Variants in PTPRZ1 observed in about 807,000 individuals in gnomAD.
PTPRZ1 encodes the protein receptor-type tyrosine-protein phosphatase zeta.
In PTPRZ1, 82 loss-of-function variants were observed where a neutral mutation model predicts 214.1. The ratio of observed to expected loss-of-function variants is 0.38; its 90% confidence interval spans 0.32 to 0.46. The LOEUF (loss-of-function observed/expected upper bound fraction) is 0.46. Ranked by LOEUF, PTPRZ1 falls within the 20% of genes least tolerant of loss-of-function variation. The pLI, the probability that PTPRZ1 is intolerant of heterozygous loss-of-function variation, is 1.00. For missense variants in PTPRZ1, 2,603 were observed against 2,748.7 expected, an observed-to-expected ratio of 0.95 and a Z score of 1.19; for synonymous variants, 945 against 987.9, an observed-to-expected ratio of 0.96 and a Z score of 0.81.
Position 122,010,485 on chromosome 7 carries a change from A to C in PTPRZ1, c.1439A>C (p.Asn480Thr). Residue 480 changes from asparagine (N) to threonine (T), a missense_variant, in exon 12 of 30, where the codon AAC becomes ACC. Physicochemically the swap from Asn to Thr is moderately conservative, Grantham distance 65. Around this residue, in one of 6 missense-constraint regions of PTPRZ1, gnomAD observed 1,913 missense variants for 1,914.3 expected, o/e 1.00. Transcript: ENST00000393386. ...IGTKYNEAKTNRSPTRGSEFS... is the reference protein window; with the variant it reads ...IGTKYNEAKTTRSPTRGSEFS... Reference sequence around the variant, plus strand: ...ACGAAATACAATGAAGCCAAGACTAACCGATCCCCAACAAGAGGAAGTGAA... The same window carrying C: ...ACGAAATACAATGAAGCCAAGACTACCCGATCCCCAACAAGAGGAAGTGAA... 6.2e-7 allele frequency: 1 copy of C among 1,614,052 alleles called. No individual in the cohort carries two copies. The highest frequency in any genetic ancestry group is 8.5e-7 in the Non-Finnish European group (1 of 1,179,952).
chr7:121,924,418 C>T (rs755636134), intron 1 of PTPRZ1, among the ~76,000 whole-genome samples: 6 of 152,078 alleles, frequency 3.9e-5, no homozygotes, highest in Non-Finnish European at 7.4e-5. Flanking sequence ...TACTCTCTCA[C>T]GCCCAAGCAC....
intron 13 of PTPRZ1, among the ~76,000 whole-genome samples, chr7:122,023,333 C>A (rs1799078432): frequency 6.6e-6 from 1 of 150,816 alleles, no homozygotes; most frequent in African/African-American, 2.4e-5. Context: ...TGCTATATGG[C>A]CTTGGGCATG....
intron 2 of PTPRZ1, among the ~76,000 whole-genome samples, chr7:121,959,044 C>T (rs890746988): frequency 6.6e-6 from 1 of 152,102 alleles, no homozygotes; most frequent in African/African-American, 2.4e-5. Context: ...AGGATGGTCT[C>T]AATCTCCTGA....
At chr7:121,918,170 C>T (rs996569821) in intron 1 of PTPRZ1, among the ~76,000 whole-genome samples, 2 of 152,150 alleles carry the variant, frequency 1.3e-5, no homozygotes, top group Non-Finnish European at 2.9e-5. Context: ...ATCCTGACAG[C>T]AACTTAACAT....
Position 121,987,346 on chromosome 7 carries a change from C to T in PTPRZ1, c.928+3229C>T, listed in dbSNP as rs191502768. Among the ~76,000 whole-genome samples the T allele has an allele frequency of 4.6e-5, 7 of 152,230 alleles. 1 individual carries two copies. The South Asian group carries it at 8.3e-4, about 18-fold the overall frequency. On this transcript the variant is annotated intron_variant, in intron 8 of 29. Coordinates refer to ENST00000393386, the MANE Select transcript of PTPRZ1 (RefSeq NM_002851.3). The stretch of plus-strand genomic sequence containing the variant: ...CCCAGGTCCTTCAAACTTGCCTGCC[C>T]GTGCTCATCCTAATGAGCTCAGCAA...
intron 17 of PTPRZ1, 123 bp downstream of exon 17, chr7:122,034,501 GAAT>G: frequency 1.4e-6 from 1 of 722,208 alleles, no homozygotes; most frequent in Non-Finnish European, 2.4e-6. Context: ...TTTTATCAGG[GAAT>G]AATAAGACTT....
chr7:121,927,515 G>A (rs1433321117), intron 1 of PTPRZ1, among the ~76,000 whole-genome samples: 1 of 152,132 alleles, frequency 6.6e-6, no homozygotes, highest in East Asian at 1.9e-4. Flanking sequence ...GGGTCATGGG[G>A]CATTGACTAT....
At position 121,968,031 on chromosome 7, in the gene PTPRZ1, G is replaced by T; in HGVS notation, c.205G>T (p.Asp69Tyr). 6.3e-7 allele frequency: 1 copy of T among 1,593,678 alleles called. No individual in the cohort carries two copies. Among genetic ancestry groups the T allele is most frequent in the South Asian group, 1.1e-5 (1 of 89,368 alleles). The change falls in exon 3 of 30, where the codon GAT (aspartate) becomes TAT (tyrosine). Residue 69 changes from aspartate to tyrosine, a missense_variant. Around this residue, in one of 6 missense-constraint regions of PTPRZ1, gnomAD observed 141 missense variants for 143.7 expected, o/e 0.98. Coordinates refer to ENST00000393386, the MANE Select transcript of PTPRZ1 (RefSeq NM_002851.3). ...PKQSPINIDE[D>Y]LTQVNVNLKK... ...ACAATCTCCTATCAATATTGATGAA[G>T]ATCTTACACAAGTAAATGTGAATCT...
intron 8 of PTPRZ1, among the ~76,000 whole-genome samples, chr7:121,988,896 G>A (rs1382170410): frequency 1.3e-5 from 2 of 152,064 alleles, no homozygotes. Flanking sequence ...CAGTACAGTA[G>A]GATTAGCATG....
At chr7:121,876,926 T>C (rs192553454) in intron 1 of PTPRZ1, among the ~76,000 whole-genome samples, 1 of 152,284 alleles carries the variant, frequency 6.6e-6, no homozygotes, top group East Asian at 1.9e-4. Flanking sequence ...TCCCTTTAAC[T>C]CCGAAAAGAT....
chr7:122,048,310 T>G (rs1206357), intron 23 of PTPRZ1, among the ~76,000 whole-genome samples: 92,552 of 151,796 alleles, frequency 0.61, 29,572 homozygotes, highest in African/African-American at 0.82. Context: ...GACAAACCTG[T>G]GTCCAGATTG....
At chr7:121,960,733 A>G (rs1584685014) in intron 2 of PTPRZ1, among the ~76,000 whole-genome samples, 1 of 152,194 alleles carries the variant, frequency 6.6e-6, no homozygotes, top group East Asian at 1.9e-4. Flanking sequence ...CAAATATTCA[A>G]AAACCTGCAT....
At chr7:121,882,629 T>C (rs80192140) in intron 1 of PTPRZ1, among the ~76,000 whole-genome samples, 2,265 of 152,244 alleles carry the variant, frequency 0.015, 55 homozygotes, top group African/African-American at 0.051. Context: ...GGGAAATTAC[T>C]AAAGGGTTTT....
intron 2 of PTPRZ1, among the ~76,000 whole-genome samples, chr7:121,949,698 A>G (rs1056707970): frequency 6.6e-6 from 1 of 152,214 alleles, no homozygotes; most frequent in Admixed American, 6.5e-5. Flanking sequence ...ATGGGACATC[A>G]ATGCCAGTAT....
At chr7:122,023,605 T>A (rs1343523460) in intron 13 of PTPRZ1, among the ~76,000 whole-genome samples, 2 of 131,970 alleles carry the variant, frequency 1.5e-5, no homozygotes, top group South Asian at 2.1e-4. Context: ...ATGTATAATT[T>A]TATATATAAT....
At chr7:122,039,727 A>G (rs1799658313) in intron 20 of PTPRZ1, 139 bp downstream of exon 20, 2 of 1,082,136 alleles carry the variant, frequency 1.8e-6, no homozygotes, top group East Asian at 5.3e-5. Context: ...GGCCAGGTGC[A>G]TGGCTTATGC....
chr7:121,914,513 C>A (rs1017315249), intron 1 of PTPRZ1, among the ~76,000 whole-genome samples: 2 of 152,104 alleles, frequency 1.3e-5, no homozygotes, highest in Non-Finnish European at 2.9e-5. Context: ...AATCCGCTAG[C>A]TGTGTGGAGG....
At chr7:121,897,441 G>A (rs185086562) in intron 1 of PTPRZ1, among the ~76,000 whole-genome samples, 3 of 152,104 alleles carry the variant, frequency 2.0e-5, no homozygotes, top group Admixed American at 2.0e-4. Flanking sequence ...CTGTGGGTTC[G>A]AGGCTTTCTG....
intron 2 of PTPRZ1, among the ~76,000 whole-genome samples, chr7:121,935,539 GTTTTT>G (rs67756016): frequency 1.7e-5 from 2 of 118,554 alleles, no homozygotes; most frequent in Non-Finnish European, 3.4e-5. Context: ...GTTTTTTGGG[GTTTTT>G]TTTGTTTGTT....
Sources: gnomAD v4.1 joint callset for allele counts (sites outside exome capture counted in the v4.1 genomes callset) on GRCh38, gnomAD v4.1.1 for gene constraint, gnomAD v4.1.1 regional missense constraint, MANE v1.5 for transcripts, NCBI Gene and HGNC (gene_info 2026-07-23, HGNC 2026-07-21) for gene names.